SLC22A23: variants seen among roughly 807,000 people sequenced by gnomAD.
The protein encoded by SLC22A23 is solute carrier family 22 member 23, also known as ion transporter protein.
SLC22A23 carries 26 observed loss-of-function variants against 61.0 expected under a neutral mutation model. The ratio of observed to expected loss-of-function variants is 0.43; its 90% CI spans 0.31 to 0.59. The LOEUF (loss-of-function observed/expected upper bound fraction) is 0.59, where lower values mean the gene tolerates loss of function less well. SLC22A23 is among the 20% of genes least tolerant of loss of function. SLC22A23 has a pLI of 0.11. For synonymous variants in SLC22A23, 430 were observed against 413.9 expected (o/e 1.04, Z -0.47); for missense variants, 796 against 934.7 (o/e 0.85, Z 1.94).
intron 3 of SLC22A23, among the ~76,000 whole-genome samples, chr6:3,407,961 C>T (rs895079723): frequency 6.6e-6 from 1 of 152,232 alleles, no homozygotes; most frequent in African/African-American, 2.4e-5. Context: ...GGCCCACACA[C>T]AAATATTTAC....
Position 3,287,697 on chromosome 6 carries a change from G to GT in SLC22A23, c.1314-607dup, listed in dbSNP as rs1291687674. On this transcript the variant is annotated intron_variant, in intron 6 of 9. Coordinates refer to ENST00000406686, the MANE Select transcript of SLC22A23 (RefSeq NM_015482.2). The stretch of plus-strand genomic sequence containing the variant: ...ACTGTTTTTTTTTTTGTTTTGTTTT[G>GT]TTTTTGAGTAGAGCCGTGTTCTGCT... Among the ~76,000 whole-genome samples, 380 of 149,164 alleles carry GT rather than the reference G, an allele frequency of 2.5e-3. 1 individual carries two copies. Among genetic ancestry groups the GT allele is most frequent in the Middle Eastern group, 0.014 (4 of 290 alleles).
Position 3,298,004 on chromosome 6 carries a change from A to G in SLC22A23, c.1210+87T>C, listed in dbSNP as rs1039666234. 4 of 1,403,494 alleles carry G rather than the reference A, an allele frequency of 2.9e-6. No homozygotes were observed. In the African/African-American group the frequency reaches 6.0e-5, roughly 21 times the overall value. 86.9% of individuals were successfully genotyped at this position (1,403,494 alleles called of 1,614,324 possible). On this transcript the variant is annotated intron_variant, in intron 5 of 9. Coordinates refer to ENST00000406686, the MANE Select transcript of SLC22A23 (RefSeq NM_015482.2). ...GGAGAATTGCACAGCTGGTTAAAAC[A>G]GCTGTTTGTGCAACAAAACCAGCCC...
Position 3,333,553 on chromosome 6 carries a change from C to A in SLC22A23, c.914-9551G>T, listed in dbSNP as rs574972419. Among the ~76,000 whole-genome samples, 15 of 152,306 alleles carry A rather than the reference C, an allele frequency of 9.8e-5. No homozygotes were observed. The South Asian group carries it at 1.4e-3, about 15-fold the overall frequency. On this transcript the variant is annotated intron_variant, in intron 3 of 9. Coordinates refer to ENST00000406686, the MANE Select transcript of SLC22A23 (RefSeq NM_015482.2). This position sits in a 1 kb window ranked among gnomAD's most constrained non-coding sequence, Gnocchi z 4.1. Reference sequence around the variant, plus strand: ...ACCCCCCTTCTGGGCTGTGCACTCCCCGTCTGTCCTCCCCAGGGAGTTGCA... The same window carrying A: ...ACCCCCCTTCTGGGCTGTGCACTCCACGTCTGTCCTCCCCAGGGAGTTGCA...
chr6:3,399,147 T>A (rs1205318203), intron 3 of SLC22A23, among the ~76,000 whole-genome samples: 3 of 152,172 alleles, frequency 2.0e-5, no homozygotes, highest in African/African-American at 7.2e-5. Flanking sequence ...TCTGGGCCAG[T>A]GGGAGGTGGG....
rs1055970781 is a variant in SLC22A23 at position 3,317,258 on chromosome 6, C to A, written c.1082+6576G>T. ...CTGGACCTCCAAACACAAGACCAGGCTGTGTCTTGCACAAGGGCTCCCAGC... is the reference window on the plus strand; with the variant it reads ...CTGGACCTCCAAACACAAGACCAGGATGTGTCTTGCACAAGGGCTCCCAGC... On this transcript the variant is annotated intron_variant, in intron 4 of 9. Coordinates refer to ENST00000406686, the MANE Select transcript of SLC22A23 (RefSeq NM_015482.2). The surrounding 1 kb of genome is among the most constrained non-coding windows in gnomAD (Gnocchi z 4.4). 1.3e-4 allele frequency among the ~76,000 whole-genome samples: 20 copies of A among 152,234 alleles called. No homozygotes were observed.
At chr6:3,443,152 T>C (rs2127553086) in intron 1 of SLC22A23, among the ~76,000 whole-genome samples, 1 of 152,192 alleles carries the variant, frequency 6.6e-6, no homozygotes, top group Admixed American at 6.5e-5. Flanking sequence ...GGCAGAGAAG[T>C]TACTGAGAAA....
intron 1 of SLC22A23, among the ~76,000 whole-genome samples, chr6:3,424,411 G>A (rs745333196): frequency 2.6e-5 from 4 of 152,170 alleles, no homozygotes; most frequent in African/African-American, 4.8e-5. Flanking sequence ...TGTACTGCAC[G>A]CATTTTTTCT....
chr6:3,287,747 G>A (rs61367953), intron 6 of SLC22A23, among the ~76,000 whole-genome samples: 12,139 of 150,954 alleles, frequency 0.08, 580 homozygotes, highest in Admixed American at 0.12. Context: ...GCAGTGGCAA[G>A]ATCTCAGCTC....
intron 3 of SLC22A23, among the ~76,000 whole-genome samples, chr6:3,391,793 C>T (rs752657622): frequency 5.9e-5 from 9 of 152,148 alleles, no homozygotes; most frequent in Non-Finnish European, 1.0e-4. Context: ...ATTAGACTAG[C>T]TAGCCTGAGA....
intron 4 of SLC22A23, chr6:3,312,595 A>C (rs1762424223): frequency 6.6e-6 from 1 of 152,096 alleles, no homozygotes; most frequent in Non-Finnish European, 1.5e-5. Context: ...TCCCGGTCGC[A>C]CTCAGGACTG....
chr6:3,419,229 A>G (rs1395286083), intron 1 of SLC22A23, among the ~76,000 whole-genome samples: 2 of 152,166 alleles, frequency 1.3e-5, no homozygotes, highest in African/African-American at 2.4e-5. Flanking sequence ...TCAATCACCA[A>G]TTCCAGCAGG....
chr6:3,287,034 C>A lies in SLC22A23; in HGVS notation c.1371G>T (p.Val457=). Residue 457 remains valine, a synonymous_variant, in exon 7 of 10, where the codon GTG becomes GTT. Transcript: ENST00000406686. ...AGAAGTTCTCCAGGAGCGGCACCTT[C>A]ACCTCGTGGCCCATCATGCTCCTGG... is the stretch of plus-strand genomic sequence containing the variant. ...CFARSMMGHE[V]KVPLLENFYA... The A allele has an allele frequency of 6.2e-7, 1 of 1,614,230 alleles. No homozygotes were observed. Among genetic ancestry groups the A allele is most frequent in the Non-Finnish European group, 8.5e-7 (1 of 1,180,048 alleles).
chr6:3,435,211 G>T (rs1243880965), intron 1 of SLC22A23, among the ~76,000 whole-genome samples: 1 of 152,010 alleles, frequency 6.6e-6, no homozygotes, highest in Admixed American at 6.6e-5. Context: ...CTTCTCAGGG[G>T]GCTGTCAGGA....
intron 7 of SLC22A23, 77 bp from the exon 8 acceptor site, chr6:3,285,188 G>A (rs1193540796): frequency 3.2e-6 from 5 of 1,584,616 alleles, no homozygotes; most frequent in Non-Finnish European, 4.3e-6. Flanking sequence ...CACATTAGGT[G>A]TGGAGTTAGC....
chr6:3,437,075 T>C (rs879713084), intron 1 of SLC22A23, among the ~76,000 whole-genome samples: 3 of 152,306 alleles, frequency 2.0e-5, no homozygotes, highest in Non-Finnish European at 4.4e-5. Flanking sequence ...ATGAGATTCA[T>C]CATCAAAGTT....
At chr6:3,403,535 C>T (rs982087263) in intron 3 of SLC22A23, among the ~76,000 whole-genome samples, 1 of 152,222 alleles carries the variant, frequency 6.6e-6, no homozygotes, top group Admixed American at 6.5e-5. Flanking sequence ...CTTACCCTAT[C>T]ACAGCATCTC....
At chr6:3,413,130 G>A (rs998547981) in intron 2 of SLC22A23, among the ~76,000 whole-genome samples, 2 of 152,176 alleles carry the variant, frequency 1.3e-5, no homozygotes, top group Non-Finnish European at 2.9e-5. Context: ...TGGAGGAGAT[G>A]GTAATAAAGG....
At chr6:3,279,395 C>T (rs1176227882) in intron 9 of SLC22A23, among the ~76,000 whole-genome samples, 1 of 151,046 alleles carries the variant, frequency 6.6e-6, no homozygotes, top group East Asian at 1.9e-4. Context: ...CACGTAATCC[C>T]AGCTGCTTGG....
In SLC22A23 at chr6:3,289,799, G is replaced by C. The variant is rs1190398508; in HGVS notation, c.1278C>G (p.Asn426Lys). The C allele has an allele frequency of 3.1e-6, 5 of 1,613,890 alleles. No individual in the cohort carries two copies. Among genetic ancestry groups the C allele is most frequent in the Non-Finnish European group, 4.2e-6 (5 of 1,180,024 alleles). ...ACAGGACCACAATGTTCTTCCACAG[G>C]TTCCGTGTCCCCACCACCTTCACGA... Reference protein sequence around the residue: ...VCIVKVVGTRNLWKNIVVLCV... With the variant: ...VCIVKVVGTRKLWKNIVVLCV... Residue 426 changes from asparagine (N) to lysine (K), a missense_variant, in exon 6 of 10, where the codon AAC becomes AAG. Coordinates refer to ENST00000406686, the MANE Select transcript of SLC22A23 (RefSeq NM_015482.2).
Sources: gnomAD v4.1 joint callset for allele counts (sites outside exome capture counted in the v4.1 genomes callset) on GRCh38, gnomAD v4.1.1 for gene constraint, Gnocchi (gnomAD v3.1) non-coding constraint, MANE v1.5 for transcripts, NCBI Gene and HGNC (gene_info 2026-07-23, HGNC 2026-07-21) for gene names.